Variants in SPDEF observed in about 807,000 individuals in gnomAD.
SPDEF encodes SAM pointed domain containing ETS transcription factor.
A neutral mutation model predicts 36.0 loss-of-function variants in SPDEF; 12 were observed. That is an observed-to-expected ratio of 0.33 (90% CI 0.21 to 0.54). The LOEUF is 0.54. SPDEF is among the 20% of genes least tolerant of loss of function. SPDEF has a pLI of 0.93. For synonymous variants in SPDEF, 205 were observed against 193.0 expected (o/e 1.06, Z -0.51); for missense variants, 388 against 456.9 (o/e 0.85, Z 1.37).
chr6:34,547,097 C>T (rs1767971228), intron 1 of SPDEF, among the ~76,000 whole-genome samples: 1 of 151,560 alleles, frequency 6.6e-6, no homozygotes, highest in Non-Finnish European at 1.5e-5. Flanking sequence ...ACAGTCTCTG[C>T]CAACACCCTG....
rs1033714798 is a variant in SPDEF at position 34,539,996 on chromosome 6, G to A, written c.635-434C>T. Reference sequence around the variant, plus strand: ...AATTTAGACACTCAGGGGCTGACACGCAGCCATTAGAAATTTAGGGCAGGC... The same window carrying A: ...AATTTAGACACTCAGGGGCTGACACACAGCCATTAGAAATTTAGGGCAGGC... On this transcript the variant is annotated intron_variant, in intron 3 of 5. Transcript: ENST00000374037. This position sits in a 1 kb window ranked among gnomAD's most constrained non-coding sequence, Gnocchi z 5.2. Among the ~76,000 whole-genome samples the A allele has an allele frequency of 6.6e-5, 10 of 152,158 alleles. No individual in the cohort carries two copies. The highest frequency in any genetic ancestry group is 2.0e-4 in the Admixed American group (3 of 15,282).
At position 34,538,310 on chromosome 6, in the gene SPDEF, G is replaced by C; in HGVS notation, c.972C>G (p.Ser324=). ...GCACGAACTGGTAGACGAGGCGCTG[G>C]GAGATGTCTGGCTTCCGGATGATGC... ...KKGIIRKPDI[S]QRLVYQFVHP... Residue 324 remains serine, a synonymous_variant, in exon 6 of 6, where the codon TCC becomes TCG. Coordinates refer to ENST00000374037, the MANE Select transcript of SPDEF (RefSeq NM_012391.3). This position sits in a 1 kb window ranked among gnomAD's most constrained non-coding sequence, Gnocchi z 5.9. The C allele has an allele frequency of 6.2e-7, 1 of 1,614,170 alleles. No individual in the cohort carries two copies. The highest frequency in any genetic ancestry group is 8.5e-7 in the Non-Finnish European group (1 of 1,179,984).
chr6:34,539,555 C>A lies in SPDEF; in HGVS notation c.642G>T (p.Trp214Cys). 6.4e-7 allele frequency: 1 copy of A among 1,570,090 alleles called. No homozygotes were observed. Among genetic ancestry groups the A allele is most frequent in the Non-Finnish European group, 8.6e-7 (1 of 1,158,242 alleles). ...CCCCAGGTGAAGTCCGCTCTTTCAT[C>A]CAGGCCGCTGCAGGGCAAGGAGAGG... ...AHLDIWKSAA[W>C]MKERTSPGAI... Residue 214 changes from tryptophan to cysteine, a missense_variant, in exon 4 of 6, where the codon TGG (tryptophan) becomes TGT (cysteine). Trp to Cys is a radical substitution (Grantham distance 215). Coordinates refer to ENST00000374037, the MANE Select transcript of SPDEF (RefSeq NM_012391.3). The surrounding 1 kb of genome is among the most constrained non-coding windows in gnomAD (Gnocchi z 5.2).
rs1335882024 is a variant in SPDEF at position 34,539,497 on chromosome 6, T to C, written c.682+18A>G. 13 of 1,575,854 alleles carry C rather than the reference T, an allele frequency of 8.2e-6. No individual in the cohort carries two copies. Among genetic ancestry groups the C allele is most frequent in the Non-Finnish European group, 1.1e-5 (13 of 1,160,542 alleles). On this transcript the variant is annotated intron_variant, in intron 4 of 5. Transcript: ENST00000374037. This position sits in a 1 kb window ranked among gnomAD's most constrained non-coding sequence, Gnocchi z 5.2. ...CCCACCCGAGCCCCCGCCTCCACCC[T>C]GCCGCTGCCTGGCTCACCACAGTAG...
In SPDEF at chr6:34,555,431, C is replaced by A. The variant is rs1267195024; in HGVS notation, c.-30+498G>T. On this transcript the variant is annotated intron_variant, in intron 1 of 5. Transcript: ENST00000374037. This position sits in a 1 kb window ranked among gnomAD's most constrained non-coding sequence, Gnocchi z 5.2. ...CAGCTACTGGGCTCTGGACCTGTCTCCCCTGTCCCGAACTGGACCCGGCCT... is the reference window on the plus strand; with the variant it reads ...CAGCTACTGGGCTCTGGACCTGTCTACCCTGTCCCGAACTGGACCCGGCCT... 5.3e-5 allele frequency among the ~76,000 whole-genome samples: 8 copies of A among 152,134 alleles called. No homozygotes were observed. Among genetic ancestry groups the A allele is most frequent in the Admixed American group, 2.6e-4 (4 of 15,278 alleles).
chr6:34,542,691 C>A lies in SPDEF; in HGVS notation c.436+1329G>T, dbSNP rs1767848473. On this transcript the variant is annotated intron_variant, in intron 2 of 5. Transcript: ENST00000374037. ...ATGACCTGAGGTCAGAAGTTCGAGA[C>A]CAGCCTGGCCAACATGGTGAAAACT... Among the ~76,000 whole-genome samples, 3 of 151,804 alleles carry A rather than the reference C, an allele frequency of 2.0e-5. No homozygotes were observed. In the South Asian group the frequency reaches 6.2e-4, roughly 32 times the overall value.
At chr6:34,551,990 C>T (rs1768071608) in intron 1 of SPDEF, among the ~76,000 whole-genome samples, 1 of 152,176 alleles carries the variant, frequency 6.6e-6, no homozygotes, top group African/African-American at 2.4e-5. Context: ...TGGTTGAGCC[C>T]ATGTGTATAT....
intron 1 of SPDEF, among the ~76,000 whole-genome samples, chr6:34,551,382 A>T (rs1768059028): frequency 6.6e-6 from 1 of 152,172 alleles, no homozygotes; most frequent in Non-Finnish European, 1.5e-5. Flanking sequence ...GAAGACCTCC[A>T]CTTCAGGAGG....
chr6:34,545,667 T>A (rs1212713431), intron 1 of SPDEF, among the ~76,000 whole-genome samples: 1 of 152,174 alleles, frequency 6.6e-6, no homozygotes, highest in Non-Finnish European at 1.5e-5. Flanking sequence ...CCTAGCTCTT[T>A]GGGAGGCCGA....
Position 34,552,177 on chromosome 6 carries a change from G to A in SPDEF, c.-30+3752C>T, listed in dbSNP as rs1265929635. On this transcript the variant is annotated intron_variant, in intron 1 of 5. Coordinates refer to ENST00000374037, the MANE Select transcript of SPDEF (RefSeq NM_012391.3). This position sits in a 1 kb window ranked among gnomAD's most constrained non-coding sequence, Gnocchi z 4.6. ...TCGCCGGTACACTCCTTGAAGGGCCGGCCACAGTACCTTCCCTCTTCCCTA... is the reference window on the plus strand; with the variant it reads ...TCGCCGGTACACTCCTTGAAGGGCCAGCCACAGTACCTTCCCTCTTCCCTA... Among the ~76,000 whole-genome samples, 4 of 151,954 alleles carry A rather than the reference G, an allele frequency of 2.6e-5. No homozygotes were observed. The highest frequency in any genetic ancestry group is 7.2e-5 in the African/African-American group (3 of 41,436).
intron 1 of SPDEF, among the ~76,000 whole-genome samples, chr6:34,553,634 G>A (rs1022532006): frequency 6.6e-6 from 1 of 152,098 alleles, no homozygotes; most frequent in Non-Finnish European, 1.5e-5. Context: ...GTGTACATGA[G>A]GGGGGCCCTG....
chr6:34,551,374 A>T (rs1768058816), intron 1 of SPDEF, among the ~76,000 whole-genome samples: 1 of 152,196 alleles, frequency 6.6e-6, no homozygotes, highest in East Asian at 1.9e-4. Context: ...GAAAGAACGA[A>T]GACCTCCACT....
chr6:34,541,711 G>A (rs539853334), intron 2 of SPDEF, among the ~76,000 whole-genome samples: 2 of 152,258 alleles, frequency 1.3e-5, no homozygotes, highest in African/African-American at 4.8e-5. Flanking sequence ...GGAATAAAGG[G>A]CTAGACGCAC....
chr6:34,541,850 T>G (rs753070983), intron 2 of SPDEF, among the ~76,000 whole-genome samples: 24 of 151,574 alleles, frequency 1.6e-4, no homozygotes, highest in Admixed American at 1.2e-3. Flanking sequence ...CCTGGGGTGC[T>G]GCTCTGGGGT....
Position 34,538,001 on chromosome 6 carries a change from T to G in SPDEF, c.*273A>C. On this transcript the variant is annotated 3_prime_UTR_variant, in exon 6 of 6. Coordinates refer to ENST00000374037, the MANE Select transcript of SPDEF (RefSeq NM_012391.3). This position sits in a 1 kb window ranked among gnomAD's most constrained non-coding sequence, Gnocchi z 5.9. ...AGGCTCTGCTCTGGAAATGCTGGGG[T>G]CAGAGGCAGGTGTTGGGGAGCAGCC... is the stretch of plus-strand genomic sequence containing the variant. 1 of 403,354 alleles carries G rather than the reference T, an allele frequency of 2.5e-6. No individual in the cohort carries two copies. Among genetic ancestry groups the G allele is most frequent in the South Asian group, 4.9e-5 (1 of 20,412 alleles). 25.0% of individuals were successfully genotyped at this position (403,354 alleles called of 1,614,324 possible). A position where few individuals can be genotyped will look rare whatever the true frequency, so the allele number is the denominator to read the frequency against.
Position 34,544,458 on chromosome 6 carries a change from C to A in SPDEF, c.-3G>T. On this transcript the variant is annotated 5_prime_UTR_variant, in exon 2 of 6. Coordinates refer to ENST00000374037, the MANE Select transcript of SPDEF (RefSeq NM_012391.3). This position sits in a 1 kb window ranked among gnomAD's most constrained non-coding sequence, Gnocchi z 4.4. ...AGACCCGGGCTGGCGCTGCCCATGC[C>A]GCTGCTGTTTGGGCTGGCGGCTGTG... The A allele has an allele frequency of 6.5e-7, 1 of 1,536,068 alleles. No homozygotes were observed.
rs1402584536 is a variant in SPDEF at position 34,547,660 on chromosome 6, T to C, written c.-29-3176A>G. On this transcript the variant is annotated intron_variant, in intron 1 of 5. Transcript: ENST00000374037. Reference sequence around the variant, plus strand: ...GGGATTATAGGCACAAGCTACCTCATCTGGCCCAGGTCTTATTCTCATCCC... The same window carrying C: ...GGGATTATAGGCACAAGCTACCTCACCTGGCCCAGGTCTTATTCTCATCCC... 2.0e-5 allele frequency among the ~76,000 whole-genome samples: 3 copies of C among 152,148 alleles called. No individual in the cohort carries two copies. The East Asian group carries it at 5.8e-4, about 29-fold the overall frequency.
chr6:34,538,800 A>G lies in SPDEF; in HGVS notation c.830-348T>C, dbSNP rs554688214. Among the ~76,000 whole-genome samples the G allele has an allele frequency of 6.6e-6, 1 of 152,232 alleles. No individual in the cohort carries two copies. Among genetic ancestry groups the G allele is most frequent in the South Asian group, 2.1e-4 (1 of 4,818 alleles). On this transcript the variant is annotated intron_variant, in intron 5 of 5. Transcript: ENST00000374037. This position sits in a 1 kb window ranked among gnomAD's most constrained non-coding sequence, Gnocchi z 5.9. ...ACTCCTGCTTCTGTGTGGGGTTTGC[A>G]TGACCTAATGCAAAGTCCTGTGTGG...
intron 2 of SPDEF, among the ~76,000 whole-genome samples, chr6:34,543,526 A>G (rs1767873561): frequency 6.6e-6 from 1 of 152,092 alleles, no homozygotes; most frequent in South Asian, 2.1e-4. Context: ...TGTTTTCTTT[A>G]CCATGTCCTG....
Sources: allele counts gnomAD v4.1 joint callset (sites outside exome capture counted in the v4.1 genomes callset), GRCh38; gene constraint gnomAD v4.1.1; non-coding constraint Gnocchi (gnomAD v3.1); transcripts MANE v1.5; gene names NCBI Gene and HGNC (gene_info 2026-07-23, HGNC 2026-07-21).